AFF3: variants seen among roughly 807,000 people sequenced by gnomAD.
AFF3 encodes ALF transcription elongation factor 3.
In AFF3, 32 loss-of-function variants were observed where a neutral mutation model predicts 129.7. The observed-to-expected ratio is 0.25, with a 90% CI of 0.19 to 0.33. The LOEUF (loss-of-function observed/expected upper bound fraction) is 0.33, where lower values mean the gene tolerates loss of function less well. AFF3 is among the 10% of genes least tolerant of loss of function. AFF3 has a pLI of 1.00. For synonymous variants in AFF3, 644 were observed against 635.4 expected (o/e 1.01, Z -0.20); for missense variants, 1,373 against 1,592.0 (o/e 0.86, Z 2.34).
At chr2:99,571,290 T>G (rs1336971515) in intron 18 of AFF3, among the ~76,000 whole-genome samples, 1 of 152,068 alleles carries the variant, frequency 6.6e-6, no homozygotes, top group East Asian at 1.9e-4. Flanking sequence ...ATAAGTTAGG[T>G]CATTTTTTTT....
chr2:99,620,898 C>G (rs1681936539), intron 13 of AFF3, among the ~76,000 whole-genome samples: 1 of 152,174 alleles, frequency 6.6e-6, no homozygotes, highest in South Asian at 2.1e-4. Context: ...CCTGCTTCCC[C>G]TTCACCTTCC....
intron 8 of AFF3, among the ~76,000 whole-genome samples, chr2:99,821,358 G>C (rs1687664601): frequency 6.6e-6 from 1 of 152,082 alleles, no homozygotes; most frequent in Non-Finnish European, 1.5e-5. Flanking sequence ...AAAAATTATA[G>C]TATAGTCCAG....
In AFF3 at chr2:99,579,638, T is replaced by C. The variant is rs545659288; in HGVS notation, c.2794-1187A>G. On this transcript the variant is annotated intron_variant, in intron 17 of 24. Transcript: ENST00000672756. ...AGGAGGCTGAGGCAGGAGAATCGTT[T>C]GAACCTGGGAGGTGGAGGTTGCAGT... Among the ~76,000 whole-genome samples, 116 of 152,276 alleles carry C rather than the reference T, an allele frequency of 7.6e-4. 1 individual carries two copies. Among genetic ancestry groups the C allele is most frequent in the African/African-American group, 2.6e-3 (106 of 41,564 alleles).
intron 13 of AFF3, among the ~76,000 whole-genome samples, chr2:99,630,048 T>C (rs1323421010): frequency 1.3e-5 from 2 of 152,226 alleles, no homozygotes; most frequent in East Asian, 3.8e-4. Flanking sequence ...GAGGGCTGCC[T>C]ATGGGGGCAA....
At chr2:100,121,935 G>T (rs939426654) in intron 2 of AFF3, among the ~76,000 whole-genome samples, 3 of 152,138 alleles carry the variant, frequency 2.0e-5, no homozygotes, top group Non-Finnish European at 4.4e-5. Flanking sequence ...GGTGGCGGGC[G>T]CCTGTAGTCC....
At chr2:99,576,387 G>C (rs1676997202) in intron 18 of AFF3, among the ~76,000 whole-genome samples, 1 of 151,538 alleles carries the variant, frequency 6.6e-6, no homozygotes, top group South Asian at 2.1e-4. Flanking sequence ...GTGGTAGCAT[G>C]CATCTGTAGA....
chr2:99,678,658 C>T (rs535887889), intron 11 of AFF3, among the ~76,000 whole-genome samples: 66 of 152,322 alleles, frequency 4.3e-4, no homozygotes, highest in African/African-American at 1.6e-3. Context: ...ATAGCTGGTG[C>T]TGCTACTATC....
chr2:99,672,217 CACACACACACACACAT>C (rs1687224817), intron 12 of AFF3, among the ~76,000 whole-genome samples: 1 of 29,270 alleles, frequency 3.4e-5, no homozygotes, highest in East Asian at 1.4e-3. Context: ...CACACACACA[CACACACACACACACAT>C]GAATAAATAA....
Position 99,892,412 on chromosome 2 carries a change from TAGTC to T in AFF3, c.874-54892_874-54889del, listed in dbSNP as rs552494770. On this transcript the variant is annotated intron_variant, in intron 7 of 24. Transcript: ENST00000672756. ...AACTATAAATTAAATGAATTACTCA[TAGTC>T]AGATAACTCCAAAAGCAAAATTATA... is the stretch of plus-strand genomic sequence containing the variant. 3.3e-3 allele frequency among the ~76,000 whole-genome samples: 498 copies of T among 152,276 alleles called. 3 individuals carry two copies. The highest frequency in any genetic ancestry group is 5.2e-3 in the Non-Finnish European group (355 of 68,020).
At chr2:99,852,315 G>C (rs77695644) in intron 7 of AFF3, among the ~76,000 whole-genome samples, 62 of 152,130 alleles carry the variant, frequency 4.1e-4, no homozygotes, top group Non-Finnish European at 7.4e-4. Context: ...CCTCCCGAGA[G>C]ACTATTTAAT....
intron 13 of AFF3, among the ~76,000 whole-genome samples, chr2:99,621,877 G>A (rs1461338452): frequency 6.6e-6 from 1 of 152,152 alleles, no homozygotes; most frequent in Non-Finnish European, 1.5e-5. Flanking sequence ...GGGATTTGCA[G>A]GGCGAGTTGT....
At chr2:99,674,867 C>A (rs1296817970) in intron 11 of AFF3, among the ~76,000 whole-genome samples, 1 of 152,292 alleles carries the variant, frequency 6.6e-6, no homozygotes, top group South Asian at 2.1e-4. Context: ...GTCACCACAA[C>A]GGTCAAAATG....
chr2:100,130,976 T>A (rs982009794), intron 1 of AFF3, among the ~76,000 whole-genome samples: 1 of 152,162 alleles, frequency 6.6e-6, no homozygotes, highest in Non-Finnish European at 1.5e-5. Context: ...AATAGACTCA[T>A]AAAATTAATG....
chr2:99,675,865 T>A (rs1225843241), intron 11 of AFF3, among the ~76,000 whole-genome samples: 2 of 152,074 alleles, frequency 1.3e-5, no homozygotes, highest in African/African-American at 4.8e-5. Context: ...TGTTTCCCTG[T>A]GGAAACATAG....
chr2:99,776,523 C>T (rs995466711), intron 8 of AFF3, among the ~76,000 whole-genome samples: 3 of 152,160 alleles, frequency 2.0e-5, no homozygotes, highest in African/African-American at 7.2e-5. Context: ...TGAATTCTTT[C>T]CCCACTCTGT....
chr2:99,717,408 T>G (rs1038001581), intron 11 of AFF3, among the ~76,000 whole-genome samples: 1 of 152,222 alleles, frequency 6.6e-6, no homozygotes, highest in Admixed American at 6.5e-5. Flanking sequence ...TATTTTTAAT[T>G]TGAGCCATTC....
At chr2:99,829,691 A>C (rs1458288063) in intron 8 of AFF3, among the ~76,000 whole-genome samples, 1 of 152,218 alleles carries the variant, frequency 6.6e-6, no homozygotes, top group Non-Finnish European at 1.5e-5. Flanking sequence ...GGGAGTATAA[A>C]TTATTTCAAC....
At chr2:99,839,605 TTTTC>T (rs1193955824) in intron 7 of AFF3, among the ~76,000 whole-genome samples, 18 of 150,824 alleles carry the variant, frequency 1.2e-4, no homozygotes, top group African/African-American at 4.1e-4. Context: ...ATTTTCTTTT[TTTTC>T]TTTCTTTCTT....
At chr2:99,658,552 G>A (rs980327091) in intron 12 of AFF3, among the ~76,000 whole-genome samples, 17 of 152,130 alleles carry the variant, frequency 1.1e-4, no homozygotes, top group Admixed American at 3.3e-4. Context: ...GTTTCACCAC[G>A]TTGGCCAGGC....
Sources: gnomAD v4.1 joint callset for allele counts (sites outside exome capture counted in the v4.1 genomes callset) on GRCh38, gnomAD v4.1.1 for gene constraint, MANE v1.5 for transcripts, NCBI Gene and HGNC (gene_info 2026-07-23, HGNC 2026-07-21) for gene names.